Variants in PXDNL observed in about 807,000 individuals in gnomAD.
The protein encoded by PXDNL is probable oxidoreductase PXDNL.
PXDNL carries 145 observed loss-of-function variants against 150.8 expected under a neutral mutation model. The observed-to-expected ratio is 0.96, with a 90% CI of 0.84 to 1.10. The LOEUF is 1.10. Among genes scored for constraint, PXDNL ranks in the 50% least tolerant of loss-of-function variants. The pLI is 0.00. For synonymous variants in PXDNL, 757 were observed against 725.7 expected, an observed-to-expected ratio of 1.04 and a Z score of -0.69; for missense variants, 2,087 against 1,873.9, an observed-to-expected ratio of 1.11 and a Z score of -2.10.
At chr8:51,691,924 C>T (rs1449220607) in intron 1 of PXDNL, among the ~76,000 whole-genome samples, 1 of 152,236 alleles carries the variant, frequency 6.6e-6, no homozygotes, top group Non-Finnish European at 1.5e-5. Flanking sequence ...ACTAAGCAGT[C>T]TCTTATTAAT....
At chr8:51,416,515 C>G (rs1407144679) in intron 14 of PXDNL, among the ~76,000 whole-genome samples, 1 of 152,226 alleles carries the variant, frequency 6.6e-6, no homozygotes, top group Non-Finnish European at 1.5e-5. Context: ...TTGCTCAGCA[C>G]AGAGCTCAGG....
In PXDNL at chr8:51,475,129, G is replaced by A. The variant is rs1810444471; in HGVS notation, c.537C>T (p.Ser179=). The A allele has an allele frequency of 1.2e-6, 2 of 1,612,634 alleles. No individual in the cohort carries two copies. Among genetic ancestry groups the A allele is most frequent in the African/African-American group, 2.7e-5 (2 of 75,006 alleles). The change falls in exon 7 of 23, where the codon TCC becomes TCT. Residue 179 remains serine, a synonymous_variant. Coordinates refer to ENST00000356297, the MANE Select transcript of PXDNL (RefSeq NM_144651.5). Reference sequence around the variant, plus strand: ...GATCACAGTCACAAACCAGGGCGTTGGAATCCAGACGCCTAGGCATGCAGG... The same window carrying A: ...GATCACAGTCACAAACCAGGGCGTTAGAATCCAGACGCCTAGGCATGCAGG... The part of the protein sequence containing the change: ...LDSLKRLRLD[S]NALVCDCDLM...
chr8:51,534,985 C>A (rs1429777684), intron 4 of PXDNL, among the ~76,000 whole-genome samples: 1 of 116,124 alleles, frequency 8.6e-6, no homozygotes, highest in Non-Finnish European at 1.7e-5. Flanking sequence ...CAGCCCCCCG[C>A]CCGGCCAGCC....
intron 21 of PXDNL, among the ~76,000 whole-genome samples, chr8:51,336,359 A>G (rs1335423891): frequency 6.6e-6 from 1 of 152,238 alleles, no homozygotes; most frequent in Non-Finnish European, 1.5e-5. Context: ...ACAAAGTGGC[A>G]TACACTGAAC....
At chr8:51,332,650 A>C (rs986351635) in intron 21 of PXDNL, among the ~76,000 whole-genome samples, 2 of 152,152 alleles carry the variant, frequency 1.3e-5, no homozygotes, top group Non-Finnish European at 2.9e-5. Flanking sequence ...AACAATAAAA[A>C]ATTCAGGAAA....
chr8:51,789,562 A>G (rs1374918872), intron 1 of PXDNL, among the ~76,000 whole-genome samples: 1 of 152,228 alleles, frequency 6.6e-6, no homozygotes, highest in Non-Finnish European at 1.5e-5. Context: ...TCTTAGTGCC[A>G]GAAGAAAACA....
At chr8:51,784,454 AAGG>A (rs1345028786) in intron 1 of PXDNL, among the ~76,000 whole-genome samples, 1 of 152,238 alleles carries the variant, frequency 6.6e-6, no homozygotes, top group African/African-American at 2.4e-5. Context: ...ATCTGCCATA[AAGG>A]CAATGGGAAA....
Position 51,592,670 on chromosome 8 carries a change from T to C in PXDNL, c.265A>G (p.Ile89Val), listed in dbSNP as rs1399721878. Reference sequence around the variant, plus strand: ...AGTCCTTCAAAAGCATTTCTGGAAATCTTTCTGATGTGGTTGTTGTTCAGC... The same window carrying C: ...AGTCCTTCAAAAGCATTTCTGGAAACCTTTCTGATGTGGTTGTTGTTCAGC... ...LLLNNNHIRK[I>V]SRNAFEGLEN... The change falls in exon 3 of 23, where the codon ATT (isoleucine) becomes GTT (valine). Residue 89 changes from isoleucine (I) to valine (V), a missense_variant. Ile to Val is a conservative substitution (Grantham distance 29). Coordinates refer to ENST00000356297, the MANE Select transcript of PXDNL (RefSeq NM_144651.5). 1 of 1,548,464 alleles carries C rather than the reference T, an allele frequency of 6.5e-7. No homozygotes were observed. The highest frequency in any genetic ancestry group is 1.4e-5 in the African/African-American group (1 of 73,122).
intron 17 of PXDNL, among the ~76,000 whole-genome samples, chr8:51,381,778 G>C (rs1028621045): frequency 1.3e-5 from 2 of 151,064 alleles, no homozygotes; most frequent in Non-Finnish European, 2.9e-5. Context: ...TCAGCCTCCC[G>C]AGTAGCTGGG....
At chr8:51,699,971 T>C (rs928322482) in intron 1 of PXDNL, among the ~76,000 whole-genome samples, 1 of 151,984 alleles carries the variant, frequency 6.6e-6, no homozygotes, top group Admixed American at 6.6e-5. Context: ...ACAAATATGA[T>C]AATAATGAAA....
At chr8:51,428,572 A>T (rs1432151695) in intron 12 of PXDNL, among the ~76,000 whole-genome samples, 1 of 152,200 alleles carries the variant, frequency 6.6e-6, no homozygotes, top group Non-Finnish European at 1.5e-5. Context: ...CCCATACAAT[A>T]TGCTCCATTG....
At chr8:51,708,536 G>A (rs1022208832) in intron 1 of PXDNL, among the ~76,000 whole-genome samples, 2 of 152,204 alleles carry the variant, frequency 1.3e-5, no homozygotes, top group African/African-American at 4.8e-5. Flanking sequence ...CCATTGCAGA[G>A]AAGTGAAGTA....
chr8:51,723,699 C>T (rs1318102840), intron 1 of PXDNL, among the ~76,000 whole-genome samples: 3 of 152,266 alleles, frequency 2.0e-5, no homozygotes, highest in East Asian at 3.9e-4. Context: ...CCCTGGGCTG[C>T]GGGAGCACCA....
chr8:51,767,732 T>C (rs1009477972), intron 1 of PXDNL, among the ~76,000 whole-genome samples: 4 of 152,230 alleles, frequency 2.6e-5, no homozygotes, highest in Non-Finnish European at 5.9e-5. Flanking sequence ...AAAAGCCTGC[T>C]ACAGGTGTTT....
rs1298012472 is a variant in PXDNL, at chr8:51,542,273, A to G, written c.380+14567T>C. On this transcript the variant is annotated intron_variant, in intron 4 of 22. Coordinates refer to ENST00000356297, the MANE Select transcript of PXDNL (RefSeq NM_144651.5). ...CCTCAGACAAGGTTACCCTGAGACC[A>G]TGATAAAATGGGCCAAAGCAATCCT... is the stretch of plus-strand genomic sequence containing the variant. Among the ~76,000 whole-genome samples, 3 of 152,216 alleles carry G rather than the reference A, an allele frequency of 2.0e-5. No individual in the cohort carries two copies. In the East Asian group the frequency reaches 5.8e-4, roughly 29 times the overall value.
At chr8:51,801,463 C>T (rs2037619924) in intron 1 of PXDNL, among the ~76,000 whole-genome samples, 1 of 152,114 alleles carries the variant, frequency 6.6e-6, no homozygotes, top group South Asian at 2.1e-4. Flanking sequence ...TTCATACACC[C>T]CCTCCCCTTT....
intron 4 of PXDNL, 67 bp from the exon 5 acceptor site, chr8:51,499,837 T>A: frequency 2.0e-6 from 2 of 1,007,562 alleles, no homozygotes; most frequent in African/African-American, 1.6e-5. Context: ...TTTGAAGAAT[T>A]AGCAATTGCT....
intron 1 of PXDNL, among the ~76,000 whole-genome samples, chr8:51,779,290 G>T (rs892465013): frequency 1.5e-4 from 23 of 152,190 alleles, no homozygotes; most frequent in Non-Finnish European, 5.9e-5. Flanking sequence ...GTGTGCAAGG[G>T]AAGGCCACAC....
chr8:51,441,126 C>A (rs1311829751), intron 12 of PXDNL, among the ~76,000 whole-genome samples: 1 of 152,122 alleles, frequency 6.6e-6, no homozygotes, highest in African/African-American at 2.4e-5. Context: ...ATATTGAGTT[C>A]TCACGAGATC....
Sources: allele counts gnomAD v4.1 joint callset (sites outside exome capture counted in the v4.1 genomes callset), GRCh38; gene constraint gnomAD v4.1.1; transcripts MANE v1.5; gene names NCBI Gene and HGNC (gene_info 2026-07-23, HGNC 2026-07-21).